KCNAB1: variants seen among roughly 807,000 people sequenced by gnomAD.
KCNAB1 encodes the protein voltage-gated potassium channel subunit beta-1.
KCNAB1 carries 35 observed loss-of-function variants against 64.6 expected under a neutral mutation model. The ratio of observed to expected loss-of-function variants is 0.54; its 90% CI spans 0.41 to 0.72. KCNAB1 has a LOEUF of 0.72. KCNAB1 is among the 30% of genes least tolerant of loss of function. The pLI is 0.00. For missense variants in KCNAB1, 401 were observed against 512.9 expected, an observed-to-expected ratio of 0.78 and a Z score of 2.11; for synonymous variants, 177 against 183.8, an observed-to-expected ratio of 0.96 and a Z score of 0.30.
chr3:156,312,022 C>T (rs1263121435), intron 1 of KCNAB1, among the ~76,000 whole-genome samples: 4 of 152,310 alleles, frequency 2.6e-5, no homozygotes, highest in Non-Finnish European at 5.9e-5. Flanking sequence ...TGTTACTTTT[C>T]GTTCTCCTGT....
intron 1 of KCNAB1, among the ~76,000 whole-genome samples, chr3:156,201,128 C>A (rs1016928593): frequency 2.0e-5 from 3 of 152,166 alleles, no homozygotes; most frequent in African/African-American, 7.2e-5. Flanking sequence ...CTTCTGCTCA[C>A]CCTCCATGGG....
At chr3:156,388,219 A>C (rs868519205) in intron 1 of KCNAB1, among the ~76,000 whole-genome samples, 6 of 152,214 alleles carry the variant, frequency 3.9e-5, no homozygotes, top group African/African-American at 1.4e-4. Context: ...AAGGAAGTAG[A>C]ACCTTGTATC....
intron 1 of KCNAB1, among the ~76,000 whole-genome samples, chr3:156,329,526 A>G (rs1444347457): frequency 1.3e-5 from 2 of 152,170 alleles, no homozygotes; most frequent in Non-Finnish European, 2.9e-5. Flanking sequence ...AATAGGTTGG[A>G]TAGTAGATTA....
At chr3:156,486,358 G>A (rs571202863) in intron 8 of KCNAB1, among the ~76,000 whole-genome samples, 15 of 152,274 alleles carry the variant, frequency 9.9e-5, no homozygotes, top group Non-Finnish European at 1.5e-4. Context: ...GTTGAGAGAG[G>A]GGAGTAAAGG....
chr3:156,446,034 C>G (rs1711523724), intron 2 of KCNAB1: 1 of 152,158 alleles, frequency 6.6e-6, no homozygotes, highest in East Asian at 1.9e-4. Context: ...TTTAACTCAC[C>G]AGGGGAAGTG....
At chr3:156,409,636 A>G (rs1014719701) in intron 1 of KCNAB1, among the ~76,000 whole-genome samples, 6 of 152,134 alleles carry the variant, frequency 3.9e-5, no homozygotes, top group Non-Finnish European at 8.8e-5. Flanking sequence ...GCACCAAGGG[A>G]CTTCTGCATT....
intron 1 of KCNAB1, among the ~76,000 whole-genome samples, chr3:156,272,704 T>G (rs1719107905): frequency 1.3e-5 from 2 of 152,084 alleles, no homozygotes; most frequent in Admixed American, 1.3e-4. Context: ...TCCTCCCCAC[T>G]GTCGCCAAGC....
intron 13 of KCNAB1, among the ~76,000 whole-genome samples, chr3:156,535,303 T>G (rs372463658): frequency 6.6e-6 from 1 of 152,208 alleles, no homozygotes; most frequent in East Asian, 1.9e-4. Flanking sequence ...AACCTCAGAA[T>G]TGGTCGTCAG....
At position 156,480,215 on chromosome 3, in the gene KCNAB1, C is replaced by G. The variant is rs1172597597; in HGVS notation, c.658+5395C>G. On this transcript the variant is annotated intron_variant, in intron 8 of 13. Transcript: ENST00000490337. ...CCCTGAAAGTTACCTTCAAGCCATT[C>G]GAAAAAACATGATATAGAAGGAAGA... 2.0e-5 allele frequency among the ~76,000 whole-genome samples: 3 copies of G among 151,844 alleles called. No homozygotes were observed. In the South Asian group the frequency reaches 6.2e-4, roughly 32 times the overall value.
At chr3:156,268,331 G>A (rs529581818) in intron 1 of KCNAB1, among the ~76,000 whole-genome samples, 14 of 152,218 alleles carry the variant, frequency 9.2e-5, no homozygotes, top group African/African-American at 1.9e-4. Flanking sequence ...TACAATAAAC[G>A]TGAGAGTGCA....
At chr3:156,356,623 T>C (rs1725264222) in intron 1 of KCNAB1, among the ~76,000 whole-genome samples, 1 of 152,214 alleles carries the variant, frequency 6.6e-6, no homozygotes, top group Non-Finnish European at 1.5e-5. Context: ...AAGCTCCCTT[T>C]CTCTGGGCTT....
At chr3:156,288,444 C>T (rs1395629742) in intron 1 of KCNAB1, among the ~76,000 whole-genome samples, 15 of 152,232 alleles carry the variant, frequency 9.9e-5, no homozygotes, top group Admixed American at 9.8e-4. Context: ...TCTTCCCAAT[C>T]TTATGATGTG....
chr3:156,202,568 GTTCT>G (rs369872347), intron 1 of KCNAB1, among the ~76,000 whole-genome samples: 199 of 152,218 alleles, frequency 1.3e-3, no homozygotes, highest in African/African-American at 4.6e-3. Flanking sequence ...TTTCTTTTCA[GTTCT>G]TTCTTAGAAT....
At chr3:156,286,587 A>T (rs12639005) in intron 1 of KCNAB1, among the ~76,000 whole-genome samples, 3,921 of 152,312 alleles carry the variant, frequency 0.026, 201 homozygotes, top group South Asian at 0.2. Context: ...GGTGATAGGA[A>T]AAAAATTTTT....
intron 1 of KCNAB1, among the ~76,000 whole-genome samples, chr3:156,202,544 A>G (rs1337851342): frequency 6.6e-6 from 1 of 152,176 alleles, no homozygotes; most frequent in Non-Finnish European, 1.5e-5. Context: ...ATCTTGGAGC[A>G]GGAATCCCTG....
In KCNAB1 at chr3:156,372,732, G is replaced by A. The variant is rs1037849630; in HGVS notation, c.276-48884G>A. 2.0e-4 allele frequency among the ~76,000 whole-genome samples: 31 copies of A among 152,342 alleles called. 2 individuals carry two copies. The highest frequency in any genetic ancestry group is 1.4e-3 in the Admixed American group (21 of 15,302). On this transcript the variant is annotated intron_variant, in intron 1 of 13. Transcript: ENST00000490337. ...AGGACACTGTAGACAAAGAAACAGC[G>A]TGATGTTTCAGAGATAAATTGGAAA...
chr3:156,424,516 G>A (rs946236446), intron 2 of KCNAB1, among the ~76,000 whole-genome samples: 2 of 151,908 alleles, frequency 1.3e-5, no homozygotes, highest in Non-Finnish European at 2.9e-5. Flanking sequence ...TTTTTTTTAA[G>A]TATATCTTTA....
At chr3:156,372,024 A>C (rs1189995997) in intron 1 of KCNAB1, among the ~76,000 whole-genome samples, 2 of 152,212 alleles carry the variant, frequency 1.3e-5, no homozygotes, top group Admixed American at 1.3e-4. Context: ...CCGTCGCCCG[A>C]GACCACATGT....
At chr3:156,188,680 C>G (rs1191628328) in intron 1 of KCNAB1, among the ~76,000 whole-genome samples, 1 of 152,146 alleles carries the variant, frequency 6.6e-6, no homozygotes, top group South Asian at 2.1e-4. Flanking sequence ...TATGCTTCAT[C>G]TATTCTGAAA....
Sources: allele counts gnomAD v4.1 joint callset (sites outside exome capture counted in the v4.1 genomes callset), GRCh38; gene constraint gnomAD v4.1.1; transcripts MANE v1.5; gene names NCBI Gene and HGNC (gene_info 2026-07-23, HGNC 2026-07-21).